FUT8: variants seen among roughly 807,000 people sequenced by gnomAD.
FUT8 encodes fucosyltransferase 8.
A neutral mutation model predicts 71.3 loss-of-function variants in FUT8; 29 were observed. That is an observed-to-expected ratio of 0.41 (90% CI 0.30 to 0.55). The LOEUF is 0.55. Ranked by LOEUF, FUT8 falls within the 20% of genes least tolerant of loss-of-function variation. The pLI, the probability that FUT8 is intolerant of heterozygous loss-of-function variation, is 0.34. For missense variants in FUT8, 544 were observed against 702.1 expected, an observed-to-expected ratio of 0.77 and a Z score of 2.55; for synonymous variants, 254 against 239.3, an observed-to-expected ratio of 1.06 and a Z score of -0.57.
chr14:65,577,830 G>A (rs1886874238), intron 3 of FUT8, among the ~76,000 whole-genome samples: 1 of 152,078 alleles, frequency 6.6e-6, no homozygotes, highest in Non-Finnish European at 1.5e-5. Context: ...AGGTTAAATA[G>A]AAGCATAGAA....
chr14:65,462,667 CAT>C (rs2065984862), intron 2 of FUT8, among the ~76,000 whole-genome samples: 1 of 152,154 alleles, frequency 6.6e-6, no homozygotes, highest in African/African-American at 2.4e-5. Flanking sequence ...TTGTTTGAAT[CAT>C]GTTGAAAGTA....
intron 6 of FUT8, among the ~76,000 whole-genome samples, chr14:65,662,166 C>T (rs975089084): frequency 1.3e-5 from 2 of 152,118 alleles, no homozygotes; most frequent in East Asian, 1.9e-4. Flanking sequence ...GTAATCCCAG[C>T]ACTTTGGGAG....
chr14:65,654,228 G>A (rs1891548528), intron 6 of FUT8, among the ~76,000 whole-genome samples: 1 of 152,126 alleles, frequency 6.6e-6, no homozygotes, highest in Non-Finnish European at 1.5e-5. Flanking sequence ...ATTTCAAATG[G>A]CAAAATGTTG....
chr14:65,692,261 C>A (rs1214121188), intron 7 of FUT8, among the ~76,000 whole-genome samples: 1 of 143,522 alleles, frequency 7.0e-6, no homozygotes, highest in East Asian at 2.1e-4. Flanking sequence ...CCAGATGGGG[C>A]GGCTGGCCGG....
intron 7 of FUT8, among the ~76,000 whole-genome samples, chr14:65,693,160 G>C (rs1893785290): frequency 6.6e-6 from 1 of 152,186 alleles, no homozygotes; most frequent in Non-Finnish European, 1.5e-5. Flanking sequence ...GCAGGCGGCT[G>C]GGAGGTGGAG....
At chr14:65,650,030 C>T (rs558573705) in intron 6 of FUT8, among the ~76,000 whole-genome samples, 4 of 152,136 alleles carry the variant, frequency 2.6e-5, no homozygotes, top group Admixed American at 6.5e-5. Context: ...GGTGCGGTGG[C>T]TCACGCCTGT....
intron 9 of FUT8, among the ~76,000 whole-genome samples, chr14:65,730,391 C>T (rs554812723): frequency 2.0e-5 from 3 of 152,036 alleles, no homozygotes; most frequent in Non-Finnish European, 4.4e-5. Context: ...AGATTGAGTC[C>T]GACCGGACGC....
At chr14:65,677,152 GCGCGCGCGCATGCGCGCGCACGTA>G (rs139193043) in intron 7 of FUT8, among the ~76,000 whole-genome samples, 2,643 of 59,260 alleles carry the variant, frequency 0.045, 37 homozygotes, top group Admixed American at 0.055. Flanking sequence ...GTGTGTGTGT[GCGCGCGCGCATGCGCGCGCACGTA>G]TGTGTGTGCG....
At chr14:65,572,962 T>G (rs564111563) in intron 3 of FUT8, among the ~76,000 whole-genome samples, 2 of 152,296 alleles carry the variant, frequency 1.3e-5, no homozygotes, top group Non-Finnish European at 2.9e-5. Context: ...AATTGACATT[T>G]ACAGAATACT....
intron 9 of FUT8, among the ~76,000 whole-genome samples, chr14:65,726,522 T>A (rs866373690): frequency 6.6e-6 from 1 of 152,186 alleles, no homozygotes; most frequent in South Asian, 2.1e-4. Flanking sequence ...TTTCAAACCA[T>A]TAGATCTTGT....
At chr14:65,411,899 C>T, upstream of FUT8, 1 of 378,290 alleles carries the variant, frequency 2.6e-6, no homozygotes, top group Non-Finnish European at 5.2e-6. Context: ...GCGCTCCGGT[C>T]CTCCCGCTCA....
chr14:65,422,114 G>A (rs1439529816), intron 1 of FUT8, among the ~76,000 whole-genome samples: 1 of 152,102 alleles, frequency 6.6e-6, no homozygotes. Flanking sequence ...ATGGGGTTCC[G>A]GGTGGCCAGG....
At chr14:65,651,106 G>A (rs983387819) in intron 6 of FUT8, among the ~76,000 whole-genome samples, 2 of 152,136 alleles carry the variant, frequency 1.3e-5, no homozygotes, top group South Asian at 4.1e-4. Context: ...AGAGACTGTG[G>A]GCAAAGCCCT....
intron 7 of FUT8, among the ~76,000 whole-genome samples, chr14:65,691,953 G>T (rs907408019): frequency 2.6e-5 from 4 of 152,176 alleles, no homozygotes; most frequent in African/African-American, 7.2e-5. Flanking sequence ...CAAGGCAGAA[G>T]AATTTTTCTT....
At chr14:65,538,473 G>A (rs893189410) in intron 2 of FUT8, among the ~76,000 whole-genome samples, 1 of 152,148 alleles carries the variant, frequency 6.6e-6, no homozygotes. Flanking sequence ...TGGTCCCTCA[G>A]TTAGAGAGGT....
chr14:65,500,343 G>A (rs533839455), intron 2 of FUT8, among the ~76,000 whole-genome samples: 15 of 152,064 alleles, frequency 9.9e-5, no homozygotes, highest in South Asian at 6.2e-4. Context: ...CATCATCGTC[G>A]TCATCATTGT....
the FUT8 span, among the ~76,000 whole-genome samples, chr14:65,373,470 A>G: frequency 4.6e-5 from 7 of 151,720 alleles, no homozygotes; most frequent in Non-Finnish European, 8.8e-5. Flanking sequence ...CAGAGAGGAG[A>G]TAGGATGCAG....
rs142968871 is a variant in FUT8 at position 65,710,800 on chromosome 14, G to T, written c.836-10975G>T. 8.6e-4 allele frequency among the ~76,000 whole-genome samples: 131 copies of T among 152,302 alleles called. 1 individual carries two copies. The highest frequency in any genetic ancestry group is 3.0e-3 in the African/African-American group (126 of 41,570). On this transcript the variant is annotated intron_variant, in intron 7 of 10. Coordinates refer to ENST00000673929, the MANE Select transcript of FUT8 (RefSeq NM_001371533.1). ...GGCTGAGTAATTTATAACAAAAAAA[G>T]ATTTATTTGGCTCATGGCTCTGCGG...
intron 1 of FUT8, among the ~76,000 whole-genome samples, chr14:65,445,205 CATAA>C (rs1237971596): frequency 6.6e-5 from 10 of 151,920 alleles, no homozygotes; most frequent in Non-Finnish European, 1.3e-4. Context: ...AACTCTGTCT[CATAA>C]ATAAATAAAA....
Sources: allele counts gnomAD v4.1 joint callset (sites outside exome capture counted in the v4.1 genomes callset), GRCh38; gene constraint gnomAD v4.1.1; transcripts MANE v1.5; gene names NCBI Gene and HGNC (gene_info 2026-07-23, HGNC 2026-07-21).